Variants in MAF observed in about 807,000 individuals in gnomAD.
MAF encodes the protein transcription factor Maf.
A neutral mutation model predicts 22.0 loss-of-function variants in MAF; 10 were observed. The observed-to-expected ratio is 0.45, with a 90% CI of 0.28 to 0.77. The LOEUF is 0.77. MAF is among the 30% of genes least tolerant of loss of function. The probability of loss-of-function intolerance (pLI) is 0.12; values close to 1 mark genes in which losing one functional copy is unlikely to be tolerated. For missense variants in MAF, 544 were observed against 548.4 expected, an observed-to-expected ratio of 0.99 and a Z score of 0.08; for synonymous variants, 337 against 255.8, an observed-to-expected ratio of 1.32 and a Z score of -3.03.
chr16:79,380,681 G>A, the MAF span, among the ~76,000 whole-genome samples: 1 of 152,204 alleles, frequency 6.6e-6, no homozygotes, highest in Non-Finnish European at 1.5e-5. Flanking sequence ...TAGTACCACT[G>A]CTACAGAATT....
chr16:79,534,389 C>G, the MAF span, among the ~76,000 whole-genome samples: 1 of 152,188 alleles, frequency 6.6e-6, no homozygotes, highest in Non-Finnish European at 1.5e-5. Flanking sequence ...ATTTAAAAGA[C>G]TTGAGTCTCA....
the MAF span, among the ~76,000 whole-genome samples, chr16:79,370,658 G>A: frequency 2.6e-5 from 4 of 152,188 alleles, no homozygotes; most frequent in Non-Finnish European, 5.9e-5. Context: ...CATCTCACAT[G>A]TAATCCATCA....
the MAF span, among the ~76,000 whole-genome samples, chr16:79,419,951 A>G: frequency 8.8e-3 from 1,344 of 151,984 alleles, 22 homozygotes; most frequent in African/African-American, 0.031. Flanking sequence ...TTCCATGGAG[A>G]GTCCTGGAGT....
At chr16:79,274,952 G>C in the MAF span, among the ~76,000 whole-genome samples, 1 of 152,204 alleles carries the variant, frequency 6.6e-6, no homozygotes, top group African/African-American at 2.4e-5. Flanking sequence ...AACTCTCTGA[G>C]CTATAACATA....
chr16:79,521,029 T>C, the MAF span, among the ~76,000 whole-genome samples: 468 of 152,334 alleles, frequency 3.1e-3, 2 homozygotes, highest in Middle Eastern at 0.014. Context: ...AGCCTGGCTA[T>C]ATTAGAATTT....
the MAF span, among the ~76,000 whole-genome samples, chr16:79,498,059 C>T: frequency 3.3e-5 from 5 of 152,174 alleles, no homozygotes; most frequent in Non-Finnish European, 5.9e-5. Flanking sequence ...TGCCCTTGCA[C>T]CCAGATGAAA....
chr16:79,505,137 A>G, the MAF span, among the ~76,000 whole-genome samples: 4 of 152,222 alleles, frequency 2.6e-5, no homozygotes, highest in South Asian at 8.3e-4. Flanking sequence ...TCATTTTTAA[A>G]CTAAAAATTC....
the MAF span, among the ~76,000 whole-genome samples, chr16:79,415,093 G>A: frequency 6.6e-6 from 1 of 152,218 alleles, no homozygotes; most frequent in Non-Finnish European, 1.5e-5. Context: ...GTGCCCTGCA[G>A]GAAGCGAGAA....
At chr16:79,292,667 G>C in the MAF span, among the ~76,000 whole-genome samples, 3 of 152,268 alleles carry the variant, frequency 2.0e-5, no homozygotes, top group Admixed American at 2.0e-4. Flanking sequence ...TTCCCGGGAA[G>C]TTAGGCATTC....
chr16:79,554,170 T>C, the MAF span, among the ~76,000 whole-genome samples: 6 of 152,142 alleles, frequency 3.9e-5, no homozygotes, highest in Non-Finnish European at 5.9e-5. Flanking sequence ...TAAAGTGCTG[T>C]TCACTTACTA....
chr16:79,596,377 A>G (rs1913525019), intron 1 of MAF: 2 of 1,058,668 alleles, frequency 1.9e-6, no homozygotes, highest in African/African-American at 3.3e-5. Context: ...CTGTCTCCCT[A>G]TTCCTCCAGG....
At chr16:79,227,068 T>G in the MAF span, among the ~76,000 whole-genome samples, 1 of 152,138 alleles carries the variant, frequency 6.6e-6, no homozygotes, top group Non-Finnish European at 1.5e-5. Flanking sequence ...TCAAAATAAC[T>G]GGCTGGGCCA....
downstream of MAF, among the ~76,000 whole-genome samples, chr16:79,589,367 C>G (rs1913050361): frequency 6.6e-6 from 1 of 152,128 alleles, no homozygotes; most frequent in South Asian, 2.1e-4. Flanking sequence ...GTGCATCAAA[C>G]TACACCACGG....
At chr16:79,351,375 G>A in the MAF span, among the ~76,000 whole-genome samples, 12 of 152,270 alleles carry the variant, frequency 7.9e-5, no homozygotes, top group African/African-American at 2.4e-4. Context: ...ACATCTGAAC[G>A]TGGTCCTCCC....
At chr16:79,577,906 G>C in the MAF span, among the ~76,000 whole-genome samples, 1 of 151,838 alleles carries the variant, frequency 6.6e-6, no homozygotes, top group African/African-American at 2.4e-5. Flanking sequence ...TCTTCATTTT[G>C]GTGACCTTTG....
the MAF span, among the ~76,000 whole-genome samples, chr16:79,350,104 C>T: frequency 1.3e-5 from 2 of 152,292 alleles, no homozygotes; most frequent in Non-Finnish European, 2.9e-5. Context: ...TAAACCTTCT[C>T]CCCAACCCCA....
the MAF span, among the ~76,000 whole-genome samples, chr16:79,219,160 C>T: frequency 6.6e-6 from 1 of 152,178 alleles, no homozygotes. Flanking sequence ...CAAATAGAGG[C>T]TCTCCATGGC....
At chr16:79,333,707 C>T in the MAF span, among the ~76,000 whole-genome samples, 1 of 152,210 alleles carries the variant, frequency 6.6e-6, no homozygotes, top group Non-Finnish European at 1.5e-5. Flanking sequence ...CTAGTGATAT[C>T]ACCACACGCG....
chr16:79,353,124 A>AT, the MAF span, among the ~76,000 whole-genome samples: 212 of 146,120 alleles, frequency 1.5e-3, no homozygotes, highest in Middle Eastern at 3.6e-3. Flanking sequence ...CTCACCAGGA[A>AT]TTTTTTTTTT....
Sources: gnomAD v4.1 joint callset for allele counts (sites outside exome capture counted in the v4.1 genomes callset) on GRCh38, gnomAD v4.1.1 for gene constraint, MANE v1.5 for transcripts, NCBI Gene and HGNC (gene_info 2026-07-23, HGNC 2026-07-21) for gene names.